PLB1: variants seen among roughly 807,000 people sequenced by gnomAD.
PLB1 encodes the protein phospholipase B1.
PLB1 carries 242 observed loss-of-function variants against 227.4 expected under a neutral mutation model. The ratio of observed to expected loss-of-function variants is 1.06; its 90% CI spans 0.96 to 1.18. The LOEUF (loss-of-function observed/expected upper bound fraction) is 1.18. PLB1 is among the 50% of genes most tolerant of loss of function. The pLI is 0.00. For synonymous variants in PLB1, 757 were observed against 682.2 expected, an observed-to-expected ratio of 1.11 and a Z score of -1.71; for missense variants, 1,858 against 1,816.3, an observed-to-expected ratio of 1.02 and a Z score of -0.42.
chr2:28,565,205 G>A, intron 18 of PLB1, 75 bp from the exon 19 acceptor site: 2 of 1,327,294 alleles, frequency 1.5e-6, no homozygotes, highest in South Asian at 2.5e-5. Context: ...TAAGAACATA[G>A]ACCTTTTGGC....
In PLB1 at chr2:28,562,282, G is replaced by A. The variant is rs192314057; in HGVS notation, c.1148-759G>A. ...CAGTCGGCCGGGCGCGTTGGCTCTC[G>A]CCTGTAATCCCAGCACTTTGGGAGG... On this transcript the variant is annotated intron_variant, in intron 17 of 57. Coordinates refer to ENST00000327757, the MANE Select transcript of PLB1 (RefSeq NM_153021.5). 8.6e-3 allele frequency among the ~76,000 whole-genome samples: 1,313 copies of A among 152,050 alleles called. 15 individuals are homozygous for A. Among genetic ancestry groups the A allele is most frequent in the Non-Finnish European group, 0.013 (888 of 67,984 alleles).
At chr2:28,496,291 C>A in intron 1 of PLB1, 122 bp downstream of exon 1, 2 of 1,004,980 alleles carry the variant, frequency 2.0e-6, no homozygotes, top group Admixed American at 2.4e-5. Context: ...ACAAAGCGTA[C>A]AGTTCAAGAA....
intron 33 of PLB1, 81 bp from the exon 34 acceptor site, chr2:28,597,924 G>T: frequency 7.5e-7 from 1 of 1,341,120 alleles, no homozygotes; most frequent in African/African-American, 1.4e-5. Context: ...AAGGGTGGGG[G>T]CTGCTCTTGT....
intron 4 of PLB1, among the ~76,000 whole-genome samples, chr2:28,524,109 G>A (rs1669904883): frequency 6.6e-6 from 1 of 152,198 alleles, no homozygotes; most frequent in African/African-American, 2.4e-5. Flanking sequence ...TCTATAGGCA[G>A]GTGCTCATTG....
chr2:28,519,315 C>T (rs1018464427), intron 3 of PLB1, among the ~76,000 whole-genome samples: 3 of 152,240 alleles, frequency 2.0e-5, no homozygotes, highest in African/African-American at 4.8e-5. Context: ...TTTTGGTAAC[C>T]AGGTGGTTTT....
intron 47 of PLB1, 131 bp downstream of exon 47, chr2:28,620,463 G>A: frequency 3.0e-6 from 4 of 1,353,494 alleles, no homozygotes; most frequent in Non-Finnish European, 4.0e-6. Flanking sequence ...GAGACTCAAT[G>A]CTTGCATTAC....
intron 30 of PLB1, 40 bp from the exon 31 acceptor site, chr2:28,591,660 T>A: frequency 6.2e-7 from 1 of 1,606,096 alleles, no homozygotes; most frequent in East Asian, 2.2e-5. Context: ...TTCTGGTCCC[T>A]TTCAACCCTG....
intron 44 of PLB1, among the ~76,000 whole-genome samples, chr2:28,616,344 G>A (rs1206772752): frequency 1.3e-5 from 2 of 152,192 alleles, no homozygotes; most frequent in Non-Finnish European, 2.9e-5. Context: ...TGCCTCATAA[G>A]TATGTACACT....
In PLB1 at chr2:28,630,699, T is replaced by TG. The variant is rs1558962269; in HGVS notation, c.3897+41dup. 16 of 1,577,278 alleles carry TG rather than the reference T, an allele frequency of 1.0e-5. No homozygotes were observed. The Admixed American group carries it at 1.1e-4, about 11-fold the overall frequency. ...GCAGCCCTTCTCTTACTGACCCAGC[T>TG]GGGGGGCCCCCTGTACTCCAAGGAC... On this transcript the variant is annotated intron_variant, in intron 54 of 57. Transcript: ENST00000327757.
At chr2:28,589,279 A>T (rs1681461350) in intron 26 of PLB1, among the ~76,000 whole-genome samples, 171 bp from the exon 27 acceptor site, 1 of 152,168 alleles carries the variant, frequency 6.6e-6, no homozygotes, top group African/African-American at 2.4e-5. Flanking sequence ...ATAAAGGCTG[A>T]TCTAAAATGT....
chr2:28,566,015 C>T (rs1305715347), intron 19 of PLB1, among the ~76,000 whole-genome samples: 1 of 152,186 alleles, frequency 6.6e-6, no homozygotes, highest in Non-Finnish European at 1.5e-5. Context: ...AGTGCATTCC[C>T]TTATCCTGTA....
chr2:28,636,029 A>ATGTGTGTGTGTG (rs1216850755), intron 56 of PLB1, among the ~76,000 whole-genome samples: 1 of 81,278 alleles, frequency 1.2e-5, no homozygotes, highest in Non-Finnish European at 2.9e-5. Flanking sequence ...ATGTGTGTGT[A>ATGTGTGTGTGTG]TGTGTGTGTG....
rs971888476 is a variant in PLB1, at chr2:28,541,176, ATAAATAAAT to A, written c.775-521_775-513del. ...AAGACAGCGAGACTCCGTCTCAAAA[ATAAATAAAT>A]TAAATAAATAAATAAATAAATAAGG... On this transcript the variant is annotated intron_variant, in intron 12 of 57. Transcript: ENST00000327757. Among the ~76,000 whole-genome samples the A allele has an allele frequency of 1.9e-4, 12 of 64,582 alleles. No homozygotes were observed. The South Asian group carries it at 2.4e-3, about 13-fold the overall frequency. 42.4% of individuals were successfully genotyped at this position (64,582 alleles called of 152,430 possible).
At chr2:28,631,159 AAAAAAAAG>A (rs1362741283) in intron 54 of PLB1, among the ~76,000 whole-genome samples, 1 of 131,350 alleles carries the variant, frequency 7.6e-6, no homozygotes, top group South Asian at 2.2e-4. Context: ...TCTCAAAAAA[AAAAAAAAG>A]AAAAAAAGAA....
chr2:28,603,829 A>AGAGCCTCAAGGCTTGAGTGCTCCT, intron 39 of PLB1, 137 bp from the exon 40 acceptor site: 3 of 748,426 alleles, frequency 4.0e-6, no homozygotes, highest in Non-Finnish European at 6.8e-6. Flanking sequence ...CATGTGCGCC[A>AGAGCCTCAAGGCTTGAGTGCTCCT]GAGCCTCAAG....
chr2:28,570,171 C>T (rs953516188), intron 20 of PLB1, among the ~76,000 whole-genome samples: 6 of 152,066 alleles, frequency 3.9e-5, no homozygotes, highest in Admixed American at 3.9e-4. Flanking sequence ...CTTCACAACT[C>T]ATTCTATGAG....
At chr2:28,579,769 A>AGAGCAAGTGACCGGG in intron 23 of PLB1, 62 bp downstream of exon 23, 2 of 1,404,770 alleles carry the variant, frequency 1.4e-6, no homozygotes, top group Non-Finnish European at 2.0e-6. Context: ...CAGCCCGGTC[A>AGAGCAAGTGACCGGG]CTTGCTCTGC....
At chr2:28,528,169 C>A (rs1168791477) in intron 6 of PLB1, among the ~76,000 whole-genome samples, 1 of 152,222 alleles carries the variant, frequency 6.6e-6, no homozygotes, top group Non-Finnish European at 1.5e-5. Flanking sequence ...AGCTCTCCCA[C>A]CCGCACCCTG....
At chr2:28,534,053 T>C (rs1254655753) in intron 9 of PLB1, among the ~76,000 whole-genome samples, 1 of 152,236 alleles carries the variant, frequency 6.6e-6, no homozygotes, top group Non-Finnish European at 1.5e-5. Flanking sequence ...TGTGTGCTTG[T>C]ATGTATGAGA....
Sources: allele counts gnomAD v4.1 joint callset (sites outside exome capture counted in the v4.1 genomes callset), GRCh38; gene constraint gnomAD v4.1.1; transcripts MANE v1.5; gene names NCBI Gene and HGNC (gene_info 2026-07-23, HGNC 2026-07-21).